Variants in CFAP36 observed in about 807,000 individuals in gnomAD.
The protein encoded by CFAP36 is cilia and flagella associated protein 36, also known as cilia- and flagella-associated protein 36.
CFAP36 carries 37 observed loss-of-function variants against 50.5 expected under a neutral mutation model. That is an observed-to-expected ratio of 0.73 (90% confidence interval 0.56 to 0.96). The LOEUF is 0.96. Among genes scored for constraint, CFAP36 ranks in the 50% least tolerant of loss-of-function variants. The pLI, the probability that CFAP36 is intolerant of heterozygous loss-of-function variation, is 0.00. For missense variants in CFAP36, 407 were observed against 396.2 expected, an observed-to-expected ratio of 1.03 and a Z score of -0.23; for synonymous variants, 138 against 128.2, an observed-to-expected ratio of 1.08 and a Z score of -0.52.
At chr2:55,534,132 A>C (rs1158683509) in intron 5 of CFAP36, among the ~76,000 whole-genome samples, 172 bp downstream of exon 5, 1 of 152,186 alleles carries the variant, frequency 6.6e-6, no homozygotes, top group Admixed American at 6.5e-5. Context: ...TGACAGAAAA[A>C]GTTATTTTCA....
chr2:55,543,535 CTTT>C (rs1221190088), intron 7 of CFAP36, among the ~76,000 whole-genome samples: 1 of 152,114 alleles, frequency 6.6e-6, no homozygotes, highest in African/African-American at 2.4e-5. Context: ...TATAGGGTGA[CTTT>C]TTACATGCAA....
At chr2:55,536,449 CTTTTATTTATTTATTTTT>C (rs774691233) in intron 6 of CFAP36, among the ~76,000 whole-genome samples, 5 of 151,232 alleles carry the variant, frequency 3.3e-5, no homozygotes, top group East Asian at 3.9e-4. Flanking sequence ...CTTTTATACT[CTTTTATTTATTTATTTTT>C]TTGGAGACAG....
intron 1 of CFAP36, 136 bp downstream of exon 1, chr2:55,520,052 T>G (rs1170196830): frequency 1.1e-5 from 8 of 737,464 alleles, no homozygotes; most frequent in Non-Finnish European, 1.8e-5. Flanking sequence ...CTCGTTCCCC[T>G]CACCACCTTC....
At chr2:55,532,762 C>T (rs1178158053) in intron 4 of CFAP36, among the ~76,000 whole-genome samples, 1 of 152,166 alleles carries the variant, frequency 6.6e-6, no homozygotes, top group Admixed American at 6.6e-5. Context: ...GACCCAAAAT[C>T]CTACAGTCAT....
At chr2:55,527,919 C>A (rs1471141759) in intron 3 of CFAP36, among the ~76,000 whole-genome samples, 1 of 151,950 alleles carries the variant, frequency 6.6e-6, no homozygotes, top group Non-Finnish European at 1.5e-5. Context: ...CCTATAATTC[C>A]AGCACTTTGG....
chr2:55,531,455 G>C (rs1462608921), intron 4 of CFAP36, among the ~76,000 whole-genome samples: 2 of 152,154 alleles, frequency 1.3e-5, no homozygotes, highest in Non-Finnish European at 2.9e-5. Flanking sequence ...ACACTCCAGT[G>C]AAGAAAAGAT....
intron 6 of CFAP36, 53 bp downstream of exon 6, chr2:55,535,816 G>T: frequency 6.5e-7 from 1 of 1,527,218 alleles, no homozygotes; most frequent in East Asian, 2.4e-5. Flanking sequence ...CTCTTATTAA[G>T]TTTACACCTA....
intron 7 of CFAP36, among the ~76,000 whole-genome samples, chr2:55,541,378 GATTT>G (rs894426685): frequency 5.9e-5 from 9 of 152,066 alleles, no homozygotes; most frequent in African/African-American, 2.2e-4. Flanking sequence ...TTAGTTCTTT[GATTT>G]CTTTCATTAG....
rs575583655 is a variant in CFAP36 at position 55,536,753 on chromosome 2, C to CT, written c.538-721dup. Among the ~76,000 whole-genome samples the CT allele has an allele frequency of 1.1e-4, 17 of 149,092 alleles. No homozygotes were observed. The East Asian group carries it at 1.2e-3, about 10-fold the overall frequency. On this transcript the variant is annotated intron_variant, in intron 6 of 9. Coordinates refer to ENST00000349456, the MANE Select transcript of CFAP36 (RefSeq NM_080667.7). ...TACTTCTTAATATATAAAGTATATACTTTTTTTTTGAGACTGAGTCTTGTT... is the reference window on the plus strand; with the variant it reads ...TACTTCTTAATATATAAAGTATATACTTTTTTTTTTGAGACTGAGTCTTGTT...
Position 55,523,816 on chromosome 2 carries a change from A to G in CFAP36, c.276A>G (p.Thr92=). The G allele has an allele frequency of 6.3e-7, 1 of 1,596,658 alleles. No individual in the cohort carries two copies. Among genetic ancestry groups the G allele is most frequent in the South Asian group, 1.1e-5 (1 of 87,644 alleles). ...ACTSPLAKTH[T]SQAILQPVLA... ...CTTCTCCTCTTGCAAAGACCCATAC[A>G]TCACAGGTTTTTGCTTTGTGTTATT... Residue 92 remains threonine (T), a synonymous_variant, in exon 3 of 10, where the codon ACA becomes ACG. Transcript: ENST00000349456.
At chr2:55,538,742 CCTT>C in intron 7 of CFAP36, 7 of 1,448,402 alleles carry the variant, frequency 4.8e-6, no homozygotes, top group Non-Finnish European at 6.6e-6. Flanking sequence ...TGTACCCATC[CCTT>C]CTTTTTTTTT....
At chr2:55,535,151 A>G (rs187878168) in intron 5 of CFAP36, among the ~76,000 whole-genome samples, 1 of 152,322 alleles carries the variant, frequency 6.6e-6, no homozygotes, top group Non-Finnish European at 1.5e-5. Context: ...TTGAGGGGAT[A>G]TACTACTGTG....
At chr2:55,528,338 T>C (rs563912225) in intron 3 of CFAP36, among the ~76,000 whole-genome samples, 8 of 152,184 alleles carry the variant, frequency 5.3e-5, no homozygotes, top group African/African-American at 1.9e-4. Flanking sequence ...CAGCTTTCTT[T>C]TTTTTTAAAC....
At chr2:55,538,736 C>T in intron 7 of CFAP36, 2 of 1,504,516 alleles carry the variant, frequency 1.3e-6, no homozygotes, top group Non-Finnish European at 1.8e-6. Context: ...AGCCACTGTA[C>T]CCATCCCTTC....
intron 2 of CFAP36, 56 bp from the exon 3 acceptor site, chr2:55,523,665 A>G: frequency 8.5e-7 from 1 of 1,176,600 alleles, no homozygotes. Flanking sequence ...TTAATATGCA[A>G]ACTGTCATGT....
chr2:55,533,722 T>A (rs1405613494), intron 4 of CFAP36, 151 bp from the exon 5 acceptor site: 6 of 232,196 alleles, frequency 2.6e-5, no homozygotes, highest in East Asian at 8.4e-5. Context: ...TATATATATA[T>A]AAAATAAAAG....
chr2:55,534,125 C>T (rs1272423947), intron 5 of CFAP36, among the ~76,000 whole-genome samples, 165 bp downstream of exon 5: 1 of 152,132 alleles, frequency 6.6e-6, no homozygotes. Flanking sequence ...TTCTTAGTGA[C>T]AGAAAAAGTT....
chr2:55,543,915 T>C (rs753859254), intron 7 of CFAP36, 23 bp from the exon 8 acceptor site: 1 of 1,593,666 alleles, frequency 6.3e-7, no homozygotes, highest in East Asian at 2.2e-5. Context: ...TTCTAATTGC[T>C]CTTATTGTCT....
chr2:55,532,146 G>A (rs1013124667), intron 4 of CFAP36, among the ~76,000 whole-genome samples: 1 of 151,528 alleles, frequency 6.6e-6, no homozygotes, highest in African/African-American at 2.4e-5. Flanking sequence ...AGGCTGCAGT[G>A]AGCTATGATA....
Sources: allele counts gnomAD v4.1 joint callset (sites outside exome capture counted in the v4.1 genomes callset), GRCh38; gene constraint gnomAD v4.1.1; transcripts MANE v1.5; gene names NCBI Gene and HGNC (gene_info 2026-07-23, HGNC 2026-07-21).